The following LRP6 variants were observed in gnomAD, a reference collection of about 807,000 sequenced individuals.
The protein encoded by LRP6 is LDL receptor related protein 6, also known as low-density lipoprotein receptor-related protein 6.
LRP6 carries 43 observed loss-of-function variants against 184.1 expected under a neutral mutation model. The observed-to-expected ratio is 0.23, with a 90% confidence interval of 0.18 to 0.30. The LOEUF (loss-of-function observed/expected upper bound fraction) is 0.30. Ranked by LOEUF, LRP6 falls within the 10% of genes least tolerant of loss-of-function variation. The pLI, the probability that LRP6 is intolerant of heterozygous loss-of-function variation, is 1.00. For missense variants in LRP6, 1,571 were observed against 2,005.3 expected, an observed-to-expected ratio of 0.78 and a Z score of 4.14; for synonymous variants, 719 against 684.9, an observed-to-expected ratio of 1.05 and a Z score of -0.78.
At chr12:12,187,366 T>C in intron 3 of LRP6, 1 of 518,046 alleles carries the variant, frequency 1.9e-6, no homozygotes, top group Non-Finnish European at 3.5e-6. Flanking sequence ...AGCCTCAAGT[T>C]CAGTACAAGA....
In LRP6 at chr12:12,266,707, G is replaced by T; in HGVS notation, c.29C>A (p.Ala10Asp). 1 of 1,613,780 alleles carries T rather than the reference G, an allele frequency of 6.2e-7. No homozygotes were observed. The highest frequency in any genetic ancestry group is 8.5e-7 in the Non-Finnish European group (1 of 1,179,914). Residue 10 changes from alanine to aspartate, a missense_variant, in exon 1 of 23, where the codon GCC becomes GAC. By Grantham distance (126) the Ala-to-Asp change is moderately radical. Coordinates refer to ENST00000261349, the MANE Select transcript of LRP6 (RefSeq NM_002336.3). The stretch of plus-strand genomic sequence containing the variant: ...TCTCAGGAGCACACAGAAGCTGCAG[G>T]CCAGGAGGCTCCTCAGGACGGCCCC... MGAVLRSLL[A>D]CSFCVLLRAA...
chr12:12,170,967 G>T (rs1219444691), intron 7 of LRP6, among the ~76,000 whole-genome samples: 1 of 152,070 alleles, frequency 6.6e-6, no homozygotes, highest in Non-Finnish European at 1.5e-5. Flanking sequence ...ATGTCAAAAA[G>T]GAAGTATTAA....
chr12:12,266,282 T>A (rs1470375289), intron 1 of LRP6, among the ~76,000 whole-genome samples: 2 of 152,154 alleles, frequency 1.3e-5, no homozygotes, highest in Admixed American at 6.5e-5. Context: ...CTTCGATGGA[T>A]AAGGCCAACC....
intron 10 of LRP6, among the ~76,000 whole-genome samples, chr12:12,160,846 T>C (rs1862721987): frequency 6.6e-6 from 1 of 152,232 alleles, no homozygotes; most frequent in Non-Finnish European, 1.5e-5. Context: ...TTTGAGACTC[T>C]TGAATACTGG....
chr12:12,180,358 C>T (rs1019934950), intron 6 of LRP6, among the ~76,000 whole-genome samples: 2 of 150,086 alleles, frequency 1.3e-5, no homozygotes, highest in African/African-American at 2.5e-5. Context: ...CAGTATTAGT[C>T]AGATGGCAAA....
chr12:12,260,559 C>A (rs2135945156), intron 1 of LRP6, among the ~76,000 whole-genome samples: 1 of 152,246 alleles, frequency 6.6e-6, no homozygotes, highest in African/African-American at 2.4e-5. Flanking sequence ...GACATAGCGA[C>A]ACTTAAAATG....
At chr12:12,227,566 C>T (rs1343108088) in intron 2 of LRP6, among the ~76,000 whole-genome samples, 1 of 151,958 alleles carries the variant, frequency 6.6e-6, no homozygotes. Context: ...CACCACCATG[C>T]CAGGCTAATT....
chr12:12,241,501 G>A (rs1865064902), intron 2 of LRP6, among the ~76,000 whole-genome samples: 1 of 152,040 alleles, frequency 6.6e-6, no homozygotes. Flanking sequence ...TATATCAAAT[G>A]TATATATACC....
intron 1 of LRP6, among the ~76,000 whole-genome samples, chr12:12,264,994 G>A (rs963617524): frequency 2.0e-5 from 3 of 152,024 alleles, no homozygotes; most frequent in African/African-American, 7.2e-5. Flanking sequence ...TTAAACAAAC[G>A]GCATTTACAT....
chr12:12,165,718 G>C (rs1862861682), intron 7 of LRP6, among the ~76,000 whole-genome samples: 1 of 152,118 alleles, frequency 6.6e-6, no homozygotes, highest in Non-Finnish European at 1.5e-5. Context: ...TGGAAACTGA[G>C]ATTCATGTAA....
chr12:12,171,753 G>A lies in LRP6; in HGVS notation c.1546-6458C>T, dbSNP rs147466790. 1.1e-3 allele frequency among the ~76,000 whole-genome samples: 172 copies of A among 152,224 alleles called. 1 individual carries two copies. The highest frequency in any genetic ancestry group is 1.1e-3 in the Non-Finnish European group (73 of 68,020). On this transcript the variant is annotated intron_variant, in intron 7 of 22. Coordinates refer to ENST00000261349, the MANE Select transcript of LRP6 (RefSeq NM_002336.3). Reference sequence around the variant, plus strand: ...AATGTTTCCTTCCATTACTTTTGTAGAGGTGACACTATTAGAAAACTGACT... The same window carrying A: ...AATGTTTCCTTCCATTACTTTTGTAAAGGTGACACTATTAGAAAACTGACT...
At chr12:12,138,267 A>G (rs770129256) in intron 16 of LRP6, 58 bp downstream of exon 16, 15 of 1,429,998 alleles carry the variant, frequency 1.0e-5, no homozygotes, top group Non-Finnish European at 1.4e-5. Context: ...ACAAAAGTAC[A>G]TATTAATTTA....
At chr12:12,247,467 G>C (rs867882994) in intron 1 of LRP6, among the ~76,000 whole-genome samples, 1 of 152,146 alleles carries the variant, frequency 6.6e-6, no homozygotes, top group Non-Finnish European at 1.5e-5. Flanking sequence ...AGCATTCTGA[G>C]TCTCTTCTCC....
chr12:12,158,027 T>C (rs550421770), intron 12 of LRP6, among the ~76,000 whole-genome samples: 1 of 152,332 alleles, frequency 6.6e-6, no homozygotes, highest in South Asian at 2.1e-4. Context: ...TCTGGTAACA[T>C]CAGCTTCAGT....
intron 2 of LRP6, among the ~76,000 whole-genome samples, chr12:12,235,256 T>C (rs1198074723): frequency 6.6e-6 from 1 of 152,098 alleles, no homozygotes; most frequent in Non-Finnish European, 1.5e-5. Flanking sequence ...TAGAAGTAAA[T>C]ATCCCAAGTA....
intron 2 of LRP6, among the ~76,000 whole-genome samples, chr12:12,206,731 G>C (rs1020733924): frequency 6.6e-6 from 1 of 151,848 alleles, no homozygotes; most frequent in African/African-American, 2.4e-5. Flanking sequence ...AACACAGCAA[G>C]ATGCTGTCTC....
At chr12:12,249,385 T>C (rs916147559) in intron 1 of LRP6, 5 of 949,996 alleles carry the variant, frequency 5.3e-6, no homozygotes, top group Middle Eastern at 3.1e-4. Context: ...CTAAAGAAAA[T>C]ATGAAACTCC....
In LRP6 at chr12:12,233,218, A is replaced by G. The variant is rs1198229941; in HGVS notation, c.449+11044T>C. 4.6e-5 allele frequency among the ~76,000 whole-genome samples: 7 copies of G among 152,292 alleles called. No individual in the cohort carries two copies. In the South Asian group the frequency reaches 1.5e-3, roughly 32 times the overall value. On this transcript the variant is annotated intron_variant, in intron 2 of 22. Transcript: ENST00000261349. ...CGCGGTGGCTCATGCTTGTAATCCC[A>G]GCACTTTGGGAAGCCAAGGTGGGTG...
intron 3 of LRP6, among the ~76,000 whole-genome samples, chr12:12,192,939 G>A (rs1591932478): frequency 2.0e-5 from 3 of 152,046 alleles, no homozygotes; most frequent in South Asian, 4.1e-4. Flanking sequence ...ATCTTTTCAC[G>A]TACACGTGGA....
Sources: gnomAD v4.1 joint callset for allele counts (sites outside exome capture counted in the v4.1 genomes callset) on GRCh38, gnomAD v4.1.1 for gene constraint, MANE v1.5 for transcripts, NCBI Gene and HGNC (gene_info 2026-07-23, HGNC 2026-07-21) for gene names.